CHFR: variants seen among roughly 807,000 people sequenced by gnomAD.
CHFR encodes E3 ubiquitin-protein ligase CHFR.
In CHFR, 57 loss-of-function variants were observed where a neutral mutation model predicts 87.6. That is an observed-to-expected ratio of 0.65 (90% CI 0.53 to 0.81). The LOEUF is 0.81. Among genes scored for constraint, CHFR ranks in the 30% least tolerant of loss-of-function variants. The pLI is 0.00. For synonymous variants in CHFR, 381 were observed against 359.2 expected (o/e 1.06, Z -0.69); for missense variants, 797 against 865.8 (o/e 0.92, Z 1.00).
At chr12:132,842,430 C>T (rs1566172334) in intron 17 of CHFR, among the ~76,000 whole-genome samples, 2 of 152,210 alleles carry the variant, frequency 1.3e-5, no homozygotes, top group African/African-American at 4.8e-5. Flanking sequence ...GTGAGGGAGG[C>T]GCCTTTCTCT....
intron 2 of CHFR, 88 bp from the exon 3 acceptor site, chr12:132,877,742 A>ACAT: frequency 1.4e-6 from 1 of 719,020 alleles, no homozygotes; most frequent in Non-Finnish European, 2.3e-6. Flanking sequence ...ATGTGGTTCC[A>ACAT]ACTCAGGATC....
At chr12:132,869,545 G>A (rs1334391433) in intron 6 of CHFR, 74 bp downstream of exon 6, 1 of 1,406,296 alleles carries the variant, frequency 7.1e-7, no homozygotes, top group East Asian at 2.5e-5. Context: ...ATCTGCCTCT[G>A]TAACAACACA....
intron 12 of CHFR, 121 bp from the exon 13 acceptor site, chr12:132,848,845 T>G (rs965139091): frequency 1.8e-5 from 13 of 735,178 alleles, no homozygotes; most frequent in Non-Finnish European, 2.5e-5. Flanking sequence ...AGGGGTCTCA[T>G]GGAAATCGGG....
chr12:132,853,297 A>G (rs1185297811), intron 11 of CHFR, 134 bp downstream of exon 11: 1 of 960,684 alleles, frequency 1.0e-6, no homozygotes, highest in African/African-American at 1.7e-5. Flanking sequence ...AGGGAGACCA[A>G]TGAGGCCAGG....
intron 10 of CHFR, among the ~76,000 whole-genome samples, chr12:132,856,009 A>T (rs747306800): frequency 1.3e-5 from 2 of 152,218 alleles, no homozygotes; most frequent in Non-Finnish European, 2.9e-5. Context: ...CTCTTCTGTA[A>T]TAACGTCCTG....
At chr12:132,846,812 C>T (rs994584311) in intron 15 of CHFR, among the ~76,000 whole-genome samples, 4 of 152,034 alleles carry the variant, frequency 2.6e-5, no homozygotes, top group African/African-American at 9.7e-5. Context: ...CCCAGGAGGC[C>T]GAGGGGGCCT....
intron 8 of CHFR, among the ~76,000 whole-genome samples, chr12:132,857,860 A>G (rs1419722341): frequency 6.6e-6 from 1 of 152,244 alleles, no homozygotes; most frequent in Non-Finnish European, 1.5e-5. Flanking sequence ...CGGAAAAGCA[A>G]GGAGGCCCTT....
At chr12:132,876,857 C>A (rs1285528103) in intron 3 of CHFR, among the ~76,000 whole-genome samples, 1 of 152,158 alleles carries the variant, frequency 6.6e-6, no homozygotes, top group Non-Finnish European at 1.5e-5. Flanking sequence ...TGCAGTGGTG[C>A]CATCTCAGCT....
At chr12:132,843,505 T>C (rs915599699) in intron 16 of CHFR, among the ~76,000 whole-genome samples, 3 of 152,178 alleles carry the variant, frequency 2.0e-5, no homozygotes, top group African/African-American at 7.2e-5. Context: ...CTATTGGATG[T>C]CTTTACAAAT....
At chr12:132,868,479 G>C (rs60105558) in intron 6 of CHFR, among the ~76,000 whole-genome samples, 20,617 of 147,494 alleles carry the variant, frequency 0.14, 2,090 homozygotes, top group South Asian at 0.2. Flanking sequence ...TCCAGCCTGG[G>C]TGACAGAGCG....
At chr12:132,876,229 G>C (rs1432902755) in intron 3 of CHFR, among the ~76,000 whole-genome samples, 1 of 151,996 alleles carries the variant, frequency 6.6e-6, no homozygotes, top group Non-Finnish European at 1.5e-5. Flanking sequence ...TGTGTAGTGT[G>C]ATTGCATTTA....
intron 6 of CHFR, among the ~76,000 whole-genome samples, chr12:132,865,287 C>T (rs934463859): frequency 6.6e-6 from 1 of 152,106 alleles, no homozygotes; most frequent in Non-Finnish European, 1.5e-5. Context: ...CTGGAAGATA[C>T]GATGAAGGGT....
At chr12:132,869,545 G>GT (rs1461134921) in intron 6 of CHFR, 74 bp downstream of exon 6, 1 of 1,406,296 alleles carries the variant, frequency 7.1e-7, no homozygotes, top group African/African-American at 1.4e-5. Context: ...ATCTGCCTCT[G>GT]TAACAACACA....
intron 11 of CHFR, 38 bp from the exon 12 acceptor site, chr12:132,851,775 C>A: frequency 6.3e-7 from 1 of 1,587,108 alleles, no homozygotes; most frequent in Non-Finnish European, 8.6e-7. Flanking sequence ...CACGTGGGAC[C>A]CAGGGCAGAA....
At chr12:132,851,119 T>C (rs1950934455) in intron 12 of CHFR, among the ~76,000 whole-genome samples, 1 of 151,878 alleles carries the variant, frequency 6.6e-6, no homozygotes. Context: ...GCCTCCCGAG[T>C]AGCTGGGATT....
Position 132,847,139 on chromosome 12 carries a change from CAAA to C in CHFR, c.1648-12_1648-10del, listed in dbSNP as rs755463602. On this transcript the variant is annotated splice_polypyrimidine_tract_variant and intron_variant, in intron 14 of 17. Coordinates refer to ENST00000450056, the MANE Select transcript of CHFR (RefSeq NM_001161346.2). ...CTGGTTGCCAGGTAATTCTGTGACG[CAAA>C]AAAAGAGAGGAATAAGAAATACTCG... 6.2e-7 allele frequency: 1 copy of C among 1,605,556 alleles called. No individual in the cohort carries two copies. Among genetic ancestry groups the C allele is most frequent in the East Asian group, 2.2e-5 (1 of 44,814 alleles).
chr12:132,869,827 G>A (rs141763844), intron 5 of CHFR, 29 bp from the exon 6 acceptor site: 3 of 1,550,786 alleles, frequency 1.9e-6, no homozygotes, highest in East Asian at 4.9e-5. Flanking sequence ...CATTTTCCTT[G>A]TTAGCTTCTG....
At position 132,835,244 on chromosome 12, in the gene CHFR, G is replaced by C. The variant is rs1180667732; in HGVS notation, c.*6310C>G. On this transcript the variant is annotated 3_prime_UTR_variant, in exon 18 of 18. Coordinates refer to ENST00000450056, the MANE Select transcript of CHFR (RefSeq NM_001161346.2). ...GGAGTGTCAATGGTATCCAGCATGT[G>C]GGGTTTGCCAAACAACAACAAACAA... 6.6e-6 allele frequency: 1 copy of C among 152,144 alleles called. No individual in the cohort carries two copies. Among genetic ancestry groups the C allele is most frequent in the African/African-American group, 2.4e-5 (1 of 41,412 alleles). 9.4% of individuals were successfully genotyped at this position (152,144 alleles called of 1,614,324 possible).
intron 6 of CHFR, chr12:132,867,206 A>G (rs1357130855): frequency 6.6e-6 from 1 of 152,262 alleles, no homozygotes; most frequent in African/African-American, 2.4e-5. Context: ...TAAAAACCAC[A>G]TCAACAGAAG....
Sources: allele counts gnomAD v4.1 joint callset (sites outside exome capture counted in the v4.1 genomes callset), GRCh38; gene constraint gnomAD v4.1.1; transcripts MANE v1.5; gene names NCBI Gene and HGNC (gene_info 2026-07-23, HGNC 2026-07-21).